Variants in BAZ2B observed in about 807,000 individuals in gnomAD.
BAZ2B encodes bromodomain adjacent to zinc finger domain protein 2B.
Under a neutral mutation model 246.0 loss-of-function variants are expected in BAZ2B, and 91 were observed. The observed-to-expected ratio is 0.37, with a 90% confidence interval of 0.31 to 0.44. The LOEUF is 0.44. Ranked by LOEUF, BAZ2B falls within the 20% of genes least tolerant of loss-of-function variation. BAZ2B has a pLI of 1.00. For synonymous variants in BAZ2B, 855 were observed against 860.0 expected, an observed-to-expected ratio of 0.99 and a Z score of 0.10; for missense variants, 2,332 against 2,533.7, an observed-to-expected ratio of 0.92 and a Z score of 1.71.
At position 159,347,684 on chromosome 2, in the gene BAZ2B, T is replaced by C. The variant is rs759613802; in HGVS notation, c.5294-38A>G. The C allele has an allele frequency of 1.7e-5, 26 of 1,514,490 alleles. No homozygotes were observed. In the South Asian group the frequency reaches 2.6e-4, roughly 15 times the overall value. The allele number at this position is 1,514,490 out of a possible 1,614,324, so 93.8% of individuals were successfully genotyped here. A position where few individuals can be genotyped will look rare whatever the true frequency, so the allele number is the denominator to read the frequency against. On this transcript the variant is annotated intron_variant, in intron 30 of 36. Coordinates refer to ENST00000392783, the MANE Select transcript of BAZ2B (RefSeq NM_013450.4). ...AGAAATTAATTTAAAAATCCACTTA[T>C]TAAGCTTTTCCCCACAGAGACCTCT... is the stretch of plus-strand genomic sequence containing the variant.
At chr2:159,620,411 C>T (rs367622840), upstream of BAZ2B, among the ~76,000 whole-genome samples, 25 of 152,156 alleles carry the variant, frequency 1.6e-4, no homozygotes, top group East Asian at 7.7e-4. Flanking sequence ...ATGAAAAGCT[C>T]ACATTCTGGT....
At chr2:159,481,183 AT>A (rs2079184524) in intron 2 of BAZ2B, among the ~76,000 whole-genome samples, 1 of 152,052 alleles carries the variant, frequency 6.6e-6, no homozygotes, top group Non-Finnish European at 1.5e-5. Context: ...TAAGTTAAAT[AT>A]TATTCTTTCA....
At chr2:159,443,762 G>T (rs1245712149) in intron 6 of BAZ2B, among the ~76,000 whole-genome samples, 3 of 152,050 alleles carry the variant, frequency 2.0e-5, no homozygotes, top group Non-Finnish European at 4.4e-5. Flanking sequence ...AAACTGGGTA[G>T]AAAGAGGTGC....
chr2:159,609,724 A>G (rs550665796), intron 1 of BAZ2B, among the ~76,000 whole-genome samples: 13 of 152,256 alleles, frequency 8.5e-5, no homozygotes, highest in African/African-American at 3.1e-4. Context: ...TTTAAAATTG[A>G]ACCTGTTCTG....
chr2:159,325,131 A>AG, intron 35 of BAZ2B, among the ~76,000 whole-genome samples, 177 bp from the exon 36 acceptor site: 1 of 37,570 alleles, frequency 2.7e-5, no homozygotes, highest in Non-Finnish European at 4.6e-5. Flanking sequence ...ATATATATAT[A>AG]TATATATATA....
Position 159,349,893 on chromosome 2 carries a change from A to G in BAZ2B, c.4678T>C (p.Phe1560Leu). Residue 1560 changes from phenylalanine to leucine, a missense_variant, in exon 28 of 37, where the codon TTT becomes CTT. Phe to Leu is a conservative substitution (Grantham distance 22). Coordinates refer to ENST00000392783, the MANE Select transcript of BAZ2B (RefSeq NM_013450.4). ...CAGGGTGTTCGTGGCAAAAGACTAA[A>G]CCATTGTCTATTCTTTTCAGTCAGC... ...KTLTEKNRQW[F>L]SLLPRTPCDD... 1 of 1,614,098 alleles carries G rather than the reference A, an allele frequency of 6.2e-7. No homozygotes were observed. Among genetic ancestry groups the G allele is most frequent in the East Asian group, 2.2e-5 (1 of 44,880 alleles).
intron 4 of BAZ2B, among the ~76,000 whole-genome samples, chr2:159,453,325 T>A (rs1356133822): frequency 6.6e-6 from 1 of 151,996 alleles, no homozygotes; most frequent in Admixed American, 6.5e-5. Context: ...CTGTATATTA[T>A]ACTTCAACAA....
chr2:159,379,615 T>C (rs1319586848), intron 25 of BAZ2B, among the ~76,000 whole-genome samples: 1 of 152,192 alleles, frequency 6.6e-6, no homozygotes, highest in Non-Finnish European at 1.5e-5. Flanking sequence ...ATATTTTTAC[T>C]TAAGAAAGAG....
At chr2:159,609,248 C>T (rs1185993580) in intron 1 of BAZ2B, among the ~76,000 whole-genome samples, 1 of 152,130 alleles carries the variant, frequency 6.6e-6, no homozygotes, top group Non-Finnish European at 1.5e-5. Context: ...CTTAATACTC[C>T]AGAAGTGACT....
chr2:159,697,833 T>A, the BAZ2B span, among the ~76,000 whole-genome samples: 1 of 152,146 alleles, frequency 6.6e-6, no homozygotes, highest in Non-Finnish European at 1.5e-5. Context: ...TATTGTCAAG[T>A]TTATTCTTGG....
intron 1 of BAZ2B, among the ~76,000 whole-genome samples, chr2:159,578,905 T>A (rs1032596526): frequency 4.6e-5 from 7 of 152,114 alleles, no homozygotes; most frequent in African/African-American, 1.7e-4. Context: ...TACCACCACC[T>A]CTGGGACACA....
intron 2 of BAZ2B, among the ~76,000 whole-genome samples, chr2:159,489,271 T>TA (rs1173789975): frequency 6.6e-6 from 1 of 151,066 alleles, no homozygotes; most frequent in East Asian, 1.9e-4. Flanking sequence ...GTAATCTGAA[T>TA]AAAAAACTCA....
chr2:159,466,225 A>G (rs934231976), intron 3 of BAZ2B, among the ~76,000 whole-genome samples: 3 of 152,152 alleles, frequency 2.0e-5, no homozygotes, highest in Admixed American at 6.5e-5. Context: ...CTTATCCTGT[A>G]GCTTATGATG....
chr2:159,447,320 C>T (rs1303046792), intron 5 of BAZ2B, among the ~76,000 whole-genome samples: 1 of 152,150 alleles, frequency 6.6e-6, no homozygotes, highest in Non-Finnish European at 1.5e-5. Flanking sequence ...AAATTATTCA[C>T]TTTAAGATGG....
intron 2 of BAZ2B, among the ~76,000 whole-genome samples, chr2:159,491,877 T>C (rs13421316): frequency 0.13 from 19,103 of 151,954 alleles, 1,436 homozygotes; most frequent in African/African-American, 0.21. Context: ...TTAACTATTA[T>C]AGCCAACTGT....
At chr2:159,706,144 G>A in the BAZ2B span, among the ~76,000 whole-genome samples, 4 of 143,302 alleles carry the variant, frequency 2.8e-5, no homozygotes, top group Admixed American at 3.0e-4. Context: ...CAGAAAGTAA[G>A]GTGGGAGGAT....
rs2062471863 is a variant in BAZ2B, at chr2:159,319,628, T to C, written c.*637A>G. The C allele has an allele frequency of 6.6e-6, 1 of 152,624 alleles. No homozygotes were observed. The highest frequency in any genetic ancestry group is 1.5e-5 in the Non-Finnish European group (1 of 68,018). The allele number at this position is 152,624 out of a possible 1,614,324, so 9.5% of individuals were successfully genotyped here. ...TTGAAATACAATTTAACTACACAAG[T>C]GATGCAGCAACATATATATATAAAT... On this transcript the variant is annotated 3_prime_UTR_variant, in exon 37 of 37. Coordinates refer to ENST00000392783, the MANE Select transcript of BAZ2B (RefSeq NM_013450.4). This position sits in a 1 kb window ranked among gnomAD's most constrained non-coding sequence, Gnocchi z 4.0.
In BAZ2B at chr2:159,453,762, A is replaced by T; in HGVS notation, c.185T>A (p.Leu62Gln). ...FRTAGDQPFNLSTVSSAFPMV... is the reference protein window; with the variant it reads ...FRTAGDQPFNQSTVSSAFPMV... ...TGGGAAGGCACTCGACACTGTGGACAGGTTAAACGGTTGATCCCCAGCTGT... is the reference window on the plus strand; with the variant it reads ...TGGGAAGGCACTCGACACTGTGGACTGGTTAAACGGTTGATCCCCAGCTGT... The change falls in exon 4 of 37, where the codon CTG becomes CAG. Residue 62 changes from leucine to glutamine, a missense_variant. Leu to Gln is a moderately radical substitution (Grantham distance 113, BLOSUM62 -2). Around this residue, in one of 9 missense-constraint regions of BAZ2B, gnomAD observed 242 missense variants for 237.4 expected, o/e 1.02. Coordinates refer to ENST00000392783, the MANE Select transcript of BAZ2B (RefSeq NM_013450.4). The T allele has an allele frequency of 1.2e-6, 2 of 1,612,396 alleles. No individual in the cohort carries two copies. The highest frequency in any genetic ancestry group is 1.7e-6 in the Non-Finnish European group (2 of 1,179,172).
chr2:159,337,669 C>T lies in BAZ2B; in HGVS notation c.5558G>A (p.Gly1853Asp). ...LCKEHDGEFT[G>D]EDESSAHALE... Reference sequence around the variant, plus strand: ...TGCATGTGCACTGCTTTCGTCTTCGCCAGTAAATTCTCCATCATGCTCCTT... The same window carrying T: ...TGCATGTGCACTGCTTTCGTCTTCGTCAGTAAATTCTCCATCATGCTCCTT... The change falls in exon 32 of 37, where the codon GGC becomes GAC. Residue 1853 changes from glycine (G) to aspartate (D), a missense_variant. Physicochemically the swap from Gly to Asp is moderately conservative, Grantham distance 94. Around this residue, in one of 9 missense-constraint regions of BAZ2B, gnomAD observed 676 missense variants for 668.6 expected, o/e 1.01. Coordinates refer to ENST00000392783, the MANE Select transcript of BAZ2B (RefSeq NM_013450.4). 6.2e-7 allele frequency: 1 copy of T among 1,614,198 alleles called. No homozygotes were observed. The highest frequency in any genetic ancestry group is 8.5e-7 in the Non-Finnish European group (1 of 1,180,026).
Sources: allele counts gnomAD v4.1 joint callset (sites outside exome capture counted in the v4.1 genomes callset), GRCh38; gene constraint gnomAD v4.1.1; regional missense constraint gnomAD v4.1.1; non-coding constraint Gnocchi (gnomAD v3.1); transcripts MANE v1.5; gene names NCBI Gene and HGNC (gene_info 2026-07-23, HGNC 2026-07-21).